CHODL: variants seen among roughly 807,000 people sequenced by gnomAD.
CHODL encodes transmembrane protein MT75.
CHODL carries 29 observed loss-of-function variants against 34.5 expected under a neutral mutation model. The observed-to-expected ratio is 0.84, with a 90% CI of 0.63 to 1.15. The LOEUF (loss-of-function observed/expected upper bound fraction) is 1.15. Among genes scored for constraint, CHODL ranks in the 50% most tolerant of loss-of-function variants. CHODL has a pLI of 0.00. For synonymous variants in CHODL, 125 were observed against 116.1 expected (o/e 1.08, Z -0.49); for missense variants, 332 against 332.5 (o/e 1.00, Z 0.01).
chr21:18,150,854 G>T (rs951180040), intron 2 of CHODL, among the ~76,000 whole-genome samples: 1 of 152,054 alleles, frequency 6.6e-6, no homozygotes, highest in African/African-American at 2.4e-5. Flanking sequence ...GGGAGGCCGA[G>T]GCGGGTGGAT....
chr21:17,927,160 G>GTATATATGTATATATGTATATATGTA (rs1568801721), intron 1 of CHODL, among the ~76,000 whole-genome samples: 2,768 of 67,830 alleles, frequency 0.041, 178 homozygotes, highest in African/African-American at 0.098. Flanking sequence ...GTATATATAT[G>GTATATATGTATATATGTATATATGTA]TATATATGTA....
At chr21:17,944,679 T>C (rs2063391362) in intron 1 of CHODL, among the ~76,000 whole-genome samples, 1 of 152,160 alleles carries the variant, frequency 6.6e-6, no homozygotes, top group African/African-American at 2.4e-5. Flanking sequence ...CAATACCCAG[T>C]AGCTCCACTT....
At chr21:17,918,560 T>C (rs1194881664) in intron 1 of CHODL, among the ~76,000 whole-genome samples, 4 of 152,128 alleles carry the variant, frequency 2.6e-5, no homozygotes, top group Non-Finnish European at 5.9e-5. Context: ...ATTTAATCAC[T>C]TCCCCCCGGG....
At chr21:17,964,827 G>C (rs1332773260) in intron 1 of CHODL, among the ~76,000 whole-genome samples, 1 of 152,162 alleles carries the variant, frequency 6.6e-6, no homozygotes, top group Non-Finnish European at 1.5e-5. Flanking sequence ...AAGTTAACCA[G>C]ATAGCTGCCA....
At chr21:18,159,196 C>A (rs997734239) in intron 2 of CHODL, among the ~76,000 whole-genome samples, 5 of 152,186 alleles carry the variant, frequency 3.3e-5, no homozygotes, top group African/African-American at 1.2e-4. Context: ...ACAAGAAAGG[C>A]CTCCCGCCAA....
At chr21:17,950,496 CAA>C (rs2063447180) in intron 1 of CHODL, among the ~76,000 whole-genome samples, 2 of 86,536 alleles carry the variant, frequency 2.3e-5, no homozygotes, top group Non-Finnish European at 4.3e-5. Context: ...CCTAGATACA[CAA>C]CACACACACA....
chr21:18,186,600 C>A (rs978614671), intron 2 of CHODL, among the ~76,000 whole-genome samples: 1 of 152,086 alleles, frequency 6.6e-6, no homozygotes, highest in South Asian at 2.1e-4. Flanking sequence ...GTAGTAAAAT[C>A]AAAACACATA....
intron 1 of CHODL, among the ~76,000 whole-genome samples, chr21:17,951,501 T>G (rs1313147272): frequency 6.6e-6 from 1 of 152,182 alleles, no homozygotes; most frequent in Non-Finnish European, 1.5e-5. Context: ...GCTGCTATGA[T>G]TTTGAATAAC....
At position 18,133,139 on chromosome 21, in the gene CHODL, T is replaced by C. The variant is rs899146609; in HGVS notation, c.-45+105168T>C. Among the ~76,000 whole-genome samples, 73 of 152,186 alleles carry C rather than the reference T, an allele frequency of 4.8e-4. 5 individuals are homozygous for C. Among genetic ancestry groups the C allele is most frequent in the Non-Finnish European group, 8.8e-5 (6 of 68,012 alleles). Reference sequence around the variant, plus strand: ...TGTTAGAAAAAGCGGTGTATGTCTATGCAGAAACTTTAAGGGCTTTCTGGC... The same window carrying C: ...TGTTAGAAAAAGCGGTGTATGTCTACGCAGAAACTTTAAGGGCTTTCTGGC... On this transcript the variant is annotated intron_variant, in intron 2 of 6. Transcript: ENST00000400127.
chr21:18,116,311 C>T (rs1379872477), intron 2 of CHODL, among the ~76,000 whole-genome samples: 2 of 152,038 alleles, frequency 1.3e-5, no homozygotes, highest in Non-Finnish European at 2.9e-5. Flanking sequence ...CTCTCTCTCT[C>T]TCTTTCTCTT....
chr21:17,934,274 G>A (rs2063301975), intron 1 of CHODL, among the ~76,000 whole-genome samples: 1 of 151,092 alleles, frequency 6.6e-6, no homozygotes, highest in Non-Finnish European at 1.5e-5. Context: ...GTAAAATAAA[G>A]TAGAACACAT....
chr21:18,194,741 A>C (rs1470062719), intron 2 of CHODL, among the ~76,000 whole-genome samples: 1 of 152,116 alleles, frequency 6.6e-6, no homozygotes, highest in Non-Finnish European at 1.5e-5. Flanking sequence ...ATCACCTTAC[A>C]TACTTATCAT....
At chr21:18,080,496 T>G (rs568081494) in intron 2 of CHODL, among the ~76,000 whole-genome samples, 33 of 152,228 alleles carry the variant, frequency 2.2e-4, no homozygotes, top group African/African-American at 7.5e-4. Flanking sequence ...TAATCTTGAG[T>G]TGATTTTTGT....
At chr21:18,071,695 T>G (rs2064807283) in intron 2 of CHODL, among the ~76,000 whole-genome samples, 1 of 152,186 alleles carries the variant, frequency 6.6e-6, no homozygotes, top group Non-Finnish European at 1.5e-5. Context: ...AAGTAGAAAG[T>G]GATTATACAT....
At chr21:18,032,345 T>C (rs925149514) in intron 2 of CHODL, among the ~76,000 whole-genome samples, 1 of 152,116 alleles carries the variant, frequency 6.6e-6, no homozygotes, top group Non-Finnish European at 1.5e-5. Flanking sequence ...TTATGTATCA[T>C]TTAAAAACAT....
rs185041695 is a variant in CHODL, at chr21:18,236,029, A to G, written c.-44-20480A>G. Among the ~76,000 whole-genome samples the G allele has an allele frequency of 3.1e-3, 479 of 152,174 alleles. 2 individuals carry two copies. Among genetic ancestry groups the G allele is most frequent in the South Asian group, 0.01 (49 of 4,828 alleles). ...AAGTCTTCTCATCTATGAGTTTTGT[A>G]TTAGTACATTATCACGCTGCTGTAA... On this transcript the variant is annotated intron_variant, in intron 2 of 6. Coordinates refer to the CHODL transcript ENST00000400127.
At chr21:18,097,903 A>C (rs746836914) in intron 2 of CHODL, among the ~76,000 whole-genome samples, 7 of 152,148 alleles carry the variant, frequency 4.6e-5, no homozygotes, top group Non-Finnish European at 7.4e-5. Flanking sequence ...GAGAACCCAG[A>C]TACAAATTCA....
Position 17,993,615 on chromosome 21 carries a change from C to A in CHODL, c.-144-34257C>A, listed in dbSNP as rs1447147571. The stretch of plus-strand genomic sequence containing the variant: ...ACCACATTTTCTTTATCCAGTCTAT[C>A]ATTGATGGGCATTTAGGTTCATTCT... On this transcript the variant is annotated intron_variant, in intron 1 of 6. Coordinates refer to the CHODL transcript ENST00000400127. 2.0e-5 allele frequency among the ~76,000 whole-genome samples: 3 copies of A among 152,164 alleles called. No individual in the cohort carries two copies. In the East Asian group the frequency reaches 5.8e-4, roughly 29 times the overall value.
intron 2 of CHODL, among the ~76,000 whole-genome samples, chr21:18,194,409 G>A (rs1368997729): frequency 6.6e-6 from 1 of 152,094 alleles, no homozygotes; most frequent in Non-Finnish European, 1.5e-5. Context: ...CTCTGAAGGA[G>A]CCAAGCTCAT....
Sources: gnomAD v4.1 joint callset for allele counts (sites outside exome capture counted in the v4.1 genomes callset) on GRCh38, gnomAD v4.1.1 for gene constraint, MANE v1.5 for transcripts, NCBI Gene and HGNC (gene_info 2026-07-23, HGNC 2026-07-21) for gene names.